Variants in GRM8 observed in about 807,000 individuals in gnomAD.
The protein encoded by GRM8 is metabotropic glutamate receptor 8.
GRM8 carries 47 observed loss-of-function variants against 87.2 expected under a neutral mutation model. That is an observed-to-expected ratio of 0.54 (90% CI 0.43 to 0.69). The LOEUF (loss-of-function observed/expected upper bound fraction) is 0.69, where lower values mean the gene tolerates loss of function less well. GRM8 is among the 30% of genes least tolerant of loss of function. The probability of loss-of-function intolerance (pLI) is 0.00; values close to 1 mark genes in which losing one functional copy is unlikely to be tolerated. For missense variants in GRM8, 1,019 were observed against 1,139.2 expected (o/e 0.89, Z 1.52); for synonymous variants, 396 against 404.5 (o/e 0.98, Z 0.25).
intron 2 of GRM8, among the ~76,000 whole-genome samples, chr7:127,147,421 T>C (rs1170031989): frequency 6.6e-6 from 1 of 152,048 alleles, no homozygotes; most frequent in African/African-American, 2.4e-5. Context: ...TGTTAAACCC[T>C]TTCGTAATGC....
intron 8 of GRM8, among the ~76,000 whole-genome samples, chr7:126,606,875 T>TATATATAACTATATATACGCATATAACA (rs1798412239): frequency 6.6e-6 from 1 of 152,210 alleles, no homozygotes; most frequent in African/African-American, 2.4e-5. Flanking sequence ...TATAACTACA[T>TATATATAACTATATATACGCATATAACA]TATGCGTATA....
At chr7:127,017,828 G>A (rs1586764455) in intron 3 of GRM8, among the ~76,000 whole-genome samples, 1 of 151,862 alleles carries the variant, frequency 6.6e-6, no homozygotes, top group Non-Finnish European at 1.5e-5. Flanking sequence ...ATGAATGGAT[G>A]AATATTAACG....
chr7:126,582,512 T>A (rs570296968), intron 8 of GRM8, among the ~76,000 whole-genome samples: 1 of 152,224 alleles, frequency 6.6e-6, no homozygotes, highest in African/African-American at 2.4e-5. Context: ...GATAAGATAA[T>A]GAATGAAGGT....
chr7:127,209,183 T>C (rs1479969881), intron 2 of GRM8, among the ~76,000 whole-genome samples: 1 of 152,134 alleles, frequency 6.6e-6, no homozygotes, highest in Non-Finnish European at 1.5e-5. Flanking sequence ...CACTACACCT[T>C]TAGTTTGCAC....
At chr7:126,944,619 A>T (rs1175014764) in intron 3 of GRM8, among the ~76,000 whole-genome samples, 2 of 152,240 alleles carry the variant, frequency 1.3e-5, no homozygotes, top group African/African-American at 4.8e-5. Flanking sequence ...TCCAGAATAT[A>T]GAAAAACAAA....
chr7:126,753,805 A>G (rs1816706158), intron 7 of GRM8, among the ~76,000 whole-genome samples: 1 of 151,864 alleles, frequency 6.6e-6, no homozygotes, highest in Admixed American at 6.6e-5. Context: ...GTTTAAAGCA[A>G]TTTATTATTT....
intron 2 of GRM8, among the ~76,000 whole-genome samples, chr7:127,119,864 C>G (rs1209432208): frequency 6.6e-6 from 1 of 152,182 alleles, no homozygotes; most frequent in African/African-American, 2.4e-5. Flanking sequence ...CTTGTTTCAT[C>G]CTTTAAGTGT....
At chr7:127,244,008 T>C (rs1460409588) in intron 1 of GRM8, among the ~76,000 whole-genome samples, 2 of 152,108 alleles carry the variant, frequency 1.3e-5, no homozygotes, top group Non-Finnish European at 2.9e-5. Context: ...ATTATTCAAT[T>C]ACAAAGTGAA....
chr7:127,079,489 CTTTA>C (rs1822631346), intron 3 of GRM8, among the ~76,000 whole-genome samples: 1 of 152,174 alleles, frequency 6.6e-6, no homozygotes, highest in Non-Finnish European at 1.5e-5. Context: ...TCATCATTTC[CTTTA>C]TTTAAAGATA....
intron 3 of GRM8, among the ~76,000 whole-genome samples, chr7:127,062,685 T>C (rs907627020): frequency 6.6e-6 from 1 of 152,186 alleles, no homozygotes; most frequent in African/African-American, 2.4e-5. Context: ...GATTCAATTT[T>C]AGAGCTGGCT....
chr7:126,770,697 T>G (rs190178178), intron 6 of GRM8, among the ~76,000 whole-genome samples: 17 of 152,226 alleles, frequency 1.1e-4, no homozygotes, highest in African/African-American at 3.9e-4. Context: ...TGTTTGGGCA[T>G]ATTTAGGGCT....
At chr7:127,122,470 TAA>T (rs61078885) in intron 2 of GRM8, among the ~76,000 whole-genome samples, 58 of 147,868 alleles carry the variant, frequency 3.9e-4, no homozygotes, top group African/African-American at 1.4e-3. Context: ...GCTTTCTATT[TAA>T]AAAAAAAAAT....
chr7:126,931,302 A>G (rs926034935), intron 3 of GRM8, among the ~76,000 whole-genome samples: 4 of 152,194 alleles, frequency 2.6e-5, no homozygotes, highest in African/African-American at 7.2e-5. Context: ...GAATCAGTAC[A>G]TGAAAATACT....
At chr7:126,540,783 C>T (rs1056265939) in intron 8 of GRM8, among the ~76,000 whole-genome samples, 1 of 152,170 alleles carries the variant, frequency 6.6e-6, no homozygotes, top group Non-Finnish European at 1.5e-5. Context: ...AGAATGACCA[C>T]TAAAGGGTAT....
At chr7:126,475,055 C>T (rs534281648) in intron 9 of GRM8, among the ~76,000 whole-genome samples, 8 of 152,132 alleles carry the variant, frequency 5.3e-5, no homozygotes, top group Non-Finnish European at 8.8e-5. Context: ...ATAGCTTTTC[C>T]TCTAAGATGA....
intron 2 of GRM8, among the ~76,000 whole-genome samples, chr7:127,174,430 T>A (rs1479432191): frequency 6.6e-6 from 1 of 152,218 alleles, no homozygotes; most frequent in Non-Finnish European, 1.5e-5. Flanking sequence ...ACCTGGCCTA[T>A]GAACTTTACC....
At chr7:127,118,343 C>T (rs2133165727) in intron 2 of GRM8, 1 of 152,264 alleles carries the variant, frequency 6.6e-6, no homozygotes, top group East Asian at 1.9e-4. Flanking sequence ...CCACTACATA[C>T]TACAGAATGC....
chr7:126,843,843 A>G (rs906593422), intron 6 of GRM8, among the ~76,000 whole-genome samples: 2 of 152,248 alleles, frequency 1.3e-5, no homozygotes, highest in African/African-American at 4.8e-5. Flanking sequence ...GCACAGATAA[A>G]GAATCATGAG....
At chr7:126,824,778 G>T (rs1794609384) in intron 6 of GRM8, among the ~76,000 whole-genome samples, 1 of 152,178 alleles carries the variant, frequency 6.6e-6, no homozygotes, top group African/African-American at 2.4e-5. Context: ...CACCTTCTTG[G>T]TTAGTGACTA....
Sources: gnomAD v4.1 joint callset for allele counts (sites outside exome capture counted in the v4.1 genomes callset) on GRCh38, gnomAD v4.1.1 for gene constraint, MANE v1.5 for transcripts, NCBI Gene and HGNC (gene_info 2026-07-23, HGNC 2026-07-21) for gene names.